The following TRMT11 variants were observed in gnomAD, a reference collection of about 807,000 sequenced individuals.
TRMT11 encodes tRNA (guanine(10)-N(2))-methyltransferase TRMT11.
TRMT11 carries 53 observed loss-of-function variants against 62.8 expected under a neutral mutation model. That is an observed-to-expected ratio of 0.84 (90% CI 0.68 to 1.06). TRMT11 has a LOEUF of 1.06. Ranked by LOEUF, TRMT11 falls within the 50% of genes least tolerant of loss-of-function variation. The pLI, the probability that TRMT11 is intolerant of heterozygous loss-of-function variation, is 0.00. For missense variants in TRMT11, 556 were observed against 553.4 expected (o/e 1.00, Z -0.05); for synonymous variants, 188 against 190.3 (o/e 0.99, Z 0.10).
chr6:125,998,333 A>G lies in TRMT11; in HGVS notation c.387+18A>G, dbSNP rs1791940687. The G allele has an allele frequency of 6.6e-7, 1 of 1,523,280 alleles. No individual in the cohort carries two copies. The highest frequency in any genetic ancestry group is 1.8e-5 in the Admixed American group (1 of 56,754). The allele number at this position is 1,523,280 out of a possible 1,614,324, so 94.4% of individuals were successfully genotyped here. A position where few individuals can be genotyped will look rare whatever the true frequency, so the allele number is the denominator to read the frequency against. ...GAATAGATGTAAGTAAATTTAGCAA[A>G]ACAAAAAACCTACATGATGAATGCA... is the stretch of plus-strand genomic sequence containing the variant. On this transcript the variant is annotated intron_variant, in intron 5 of 12. Transcript: ENST00000334379.
chr6:126,231,920 A>G, the TRMT11 span, among the ~76,000 whole-genome samples: 1 of 152,076 alleles, frequency 6.6e-6, no homozygotes, highest in Non-Finnish European at 1.5e-5. Flanking sequence ...CCAGTTCTTT[A>G]TCTAGTTCTG....
intron 12 of TRMT11, among the ~76,000 whole-genome samples, chr6:126,032,005 C>T (rs1484401966): frequency 2.0e-5 from 3 of 151,992 alleles, no homozygotes; most frequent in Non-Finnish European, 4.4e-5. Flanking sequence ...TGGCAGGACT[C>T]GGTGACTAAT....
chr6:126,116,647 T>A (rs1198641874), intron 21 of TRMT11, among the ~76,000 whole-genome samples: 1 of 152,130 alleles, frequency 6.6e-6, no homozygotes, highest in Non-Finnish European at 1.5e-5. Context: ...ATGTATCTCA[T>A]TAAGACAGCC....
At chr6:126,151,835 T>TTTCTTTCTTTCTTTCC (rs1491271222) in intron 21 of TRMT11, among the ~76,000 whole-genome samples, 1 of 145,040 alleles carries the variant, frequency 6.9e-6, no homozygotes, top group Non-Finnish European at 1.5e-5. Flanking sequence ...TCTTTCTTTC[T>TTTCTTTCTTTCTTTCC]TTCTTTCTTT....
At chr6:126,007,363 AAAAGGTTATAAGGG>A (rs1793511125) in intron 7 of TRMT11, among the ~76,000 whole-genome samples, 1 of 152,002 alleles carries the variant, frequency 6.6e-6, no homozygotes, top group African/African-American at 2.4e-5. Context: ...ATTACATCTC[AAAAGGTTATAAGGG>A]AAAGAGCCCC....
intron 11 of TRMT11, among the ~76,000 whole-genome samples, chr6:126,015,685 C>T (rs1298364365): frequency 6.6e-6 from 1 of 152,190 alleles, no homozygotes; most frequent in Non-Finnish European, 1.5e-5. Context: ...AGATCAGAGA[C>T]ACCATTCAAA....
intron 12 of TRMT11, among the ~76,000 whole-genome samples, chr6:126,022,051 GTTTTTTTTTTTTT>G (rs10581882): frequency 9.6e-5 from 5 of 52,272 alleles, no homozygotes; most frequent in African/African-American, 3.3e-4. Context: ...TTTTTCCTTA[GTTTTTTTTTTTTT>G]TTTTTTTTTT....
At chr6:126,102,997 G>A (rs915191043) in intron 17 of TRMT11, among the ~76,000 whole-genome samples, 4 of 152,122 alleles carry the variant, frequency 2.6e-5, no homozygotes, top group Non-Finnish European at 5.9e-5. Flanking sequence ...CATTTCTACA[G>A]AGATCAGAGT....
At chr6:126,114,952 A>G (rs1777570659) in intron 19 of TRMT11, among the ~76,000 whole-genome samples, 1 of 152,032 alleles carries the variant, frequency 6.6e-6, no homozygotes, top group Non-Finnish European at 1.5e-5. Context: ...TTTATGCTGT[A>G]TTGATTAACT....
chr6:126,238,275 C>T, the TRMT11 span, among the ~76,000 whole-genome samples: 4 of 152,168 alleles, frequency 2.6e-5, no homozygotes, highest in African/African-American at 9.7e-5. Context: ...TTTGCTCTTG[C>T]TTCTCTAGTA....
intron 21 of TRMT11, among the ~76,000 whole-genome samples, chr6:126,171,297 A>G (rs2128236029): frequency 6.7e-6 from 1 of 149,454 alleles, no homozygotes; most frequent in South Asian, 2.1e-4. Context: ...TGGCAATGGG[A>G]GTGTTTGTGG....
chr6:126,027,399 A>T (rs1773382423), intron 12 of TRMT11, among the ~76,000 whole-genome samples: 1 of 152,186 alleles, frequency 6.6e-6, no homozygotes, highest in Non-Finnish European at 1.5e-5. Context: ...TTTTCAAAAA[A>T]TTCATGCAAC....
At chr6:126,109,148 T>C (rs1292881752) in intron 17 of TRMT11, among the ~76,000 whole-genome samples, 3 of 152,178 alleles carry the variant, frequency 2.0e-5, no homozygotes, top group Non-Finnish European at 4.4e-5. Context: ...AATTCTCATA[T>C]ACCCACATTA....
chr6:126,171,045 C>T (rs2128235873), intron 21 of TRMT11, among the ~76,000 whole-genome samples: 1 of 152,186 alleles, frequency 6.6e-6, no homozygotes, highest in African/African-American at 2.4e-5. Context: ...CTTTGACCTC[C>T]TTTACTGATG....
chr6:125,989,029 TG>T (rs1380523943), intron 1 of TRMT11, among the ~76,000 whole-genome samples: 1 of 151,744 alleles, frequency 6.6e-6, no homozygotes, highest in African/African-American at 2.4e-5. Flanking sequence ...TTGGAAGGCT[TG>T]GGGAGGGAGG....
intron 16 of TRMT11, among the ~76,000 whole-genome samples, chr6:126,049,932 A>G (rs551453213): frequency 6.3e-4 from 96 of 152,340 alleles, no homozygotes; most frequent in Middle Eastern, 3.4e-3. Flanking sequence ...GGTACTAACT[A>G]GACTTAACTA....
chr6:126,001,279 A>G (rs962980939), intron 7 of TRMT11, among the ~76,000 whole-genome samples: 5 of 151,958 alleles, frequency 3.3e-5, no homozygotes, highest in Non-Finnish European at 5.9e-5. Flanking sequence ...TGTTGTTAAT[A>G]TTTCTTTGAT....
intron 1 of TRMT11, 192 bp downstream of exon 1, chr6:125,986,814 C>A: frequency 1.7e-6 from 1 of 584,300 alleles, no homozygotes; most frequent in Non-Finnish European, 3.0e-6. Flanking sequence ...AGTCCGAGAC[C>A]AAACCCCTCG....
chr6:126,149,000 T>C (rs1384372214), intron 21 of TRMT11, among the ~76,000 whole-genome samples: 1 of 152,236 alleles, frequency 6.6e-6, no homozygotes, highest in Non-Finnish European at 1.5e-5. Flanking sequence ...TTAAATGAGC[T>C]GCTGGGTGTG....
Sources: gnomAD v4.1 joint callset for allele counts (sites outside exome capture counted in the v4.1 genomes callset) on GRCh38, gnomAD v4.1.1 for gene constraint, MANE v1.5 for transcripts, NCBI Gene and HGNC (gene_info 2026-07-23, HGNC 2026-07-21) for gene names.